The following EFCAB11 variants were observed in gnomAD, a reference collection of about 807,000 sequenced individuals.
The protein encoded by EFCAB11 is EF-hand calcium-binding domain-containing protein 11.
Under a neutral mutation model 23.0 loss-of-function variants are expected in EFCAB11, and 14 were observed. The ratio of observed to expected loss-of-function variants is 0.61; its 90% confidence interval spans 0.40 to 0.95. The LOEUF is 0.95. Ranked by LOEUF, EFCAB11 falls within the 40% of genes least tolerant of loss-of-function variation. The pLI is 0.00. For missense variants in EFCAB11, 198 were observed against 195.8 expected (o/e 1.01, Z -0.07); for synonymous variants, 65 against 66.6 (o/e 0.98, Z 0.11).
At chr14:89,949,467 C>T (rs1891089061) in intron 3 of EFCAB11, among the ~76,000 whole-genome samples, 1 of 152,138 alleles carries the variant, frequency 6.6e-6, no homozygotes, top group Admixed American at 6.6e-5. Flanking sequence ...TCAGTTCAAG[C>T]AATTCTCCTG....
chr14:89,813,211 T>C (rs1372403535), intron 5 of EFCAB11, among the ~76,000 whole-genome samples: 1 of 152,082 alleles, frequency 6.6e-6, no homozygotes, highest in East Asian at 1.9e-4. Flanking sequence ...GCATATACAG[T>C]GAGGGGAGCA....
chr14:89,797,397 C>A (rs1885611791), intron 5 of EFCAB11, 73 bp from the exon 6 acceptor site: 1 of 1,378,898 alleles, frequency 7.3e-7, no homozygotes, highest in South Asian at 1.2e-5. Context: ...ACATTAGAAT[C>A]TTTATTTATT....
intron 3 of EFCAB11, among the ~76,000 whole-genome samples, chr14:89,939,499 G>A (rs1270873816): frequency 6.6e-6 from 1 of 152,140 alleles, no homozygotes; most frequent in East Asian, 1.9e-4. Context: ...AGCAACAGGA[G>A]CAGGAGGCGG....
intron 5 of EFCAB11, among the ~76,000 whole-genome samples, chr14:89,927,167 GTC>G (rs1890219595): frequency 6.6e-6 from 1 of 152,122 alleles, no homozygotes; most frequent in South Asian, 2.1e-4. Context: ...CTATGTCCAA[GTC>G]TCTTTCTTTG....
rs115522894 is a variant in EFCAB11, at chr14:89,899,471, C to T, written c.410+32070G>A. ...GTCCCAGGCTTTTTTCTTTTTTTCA[C>T]GTTCTCTCTAAAACCTCTGGGAAAA... On this transcript the variant is annotated intron_variant, in intron 5 of 5. Transcript: ENST00000316738. Among the ~76,000 whole-genome samples the T allele has an allele frequency of 5.3e-3, 799 of 152,068 alleles. 7 individuals are homozygous for T. Among genetic ancestry groups the T allele is most frequent in the African/African-American group, 0.018 (759 of 41,502 alleles).
chr14:89,849,120 G>A (rs571991997), intron 5 of EFCAB11, among the ~76,000 whole-genome samples: 10 of 152,120 alleles, frequency 6.6e-5, no homozygotes, highest in East Asian at 1.9e-4. Context: ...TCTTGTGAAC[G>A]TCCACTCCCA....
intron 5 of EFCAB11, among the ~76,000 whole-genome samples, chr14:89,804,710 C>G (rs2183527): frequency 0.015 from 2,356 of 152,300 alleles, 59 homozygotes; most frequent in African/African-American, 0.053. Context: ...AGAGATCTCA[C>G]TACTTCAAAG....
At chr14:89,930,355 G>A (rs537101135) in intron 5 of EFCAB11, among the ~76,000 whole-genome samples, 1 of 152,296 alleles carries the variant, frequency 6.6e-6, no homozygotes, top group African/African-American at 2.4e-5. Flanking sequence ...ACATCTGCCA[G>A]ATGTCCCCCA....
chr14:89,912,129 A>T (rs987730968), intron 5 of EFCAB11, among the ~76,000 whole-genome samples: 3 of 152,238 alleles, frequency 2.0e-5, no homozygotes, highest in Non-Finnish European at 2.9e-5. Context: ...ATCAACAAGC[A>T]TTTATTCATT....
chr14:89,883,601 T>C (rs1462610869), intron 5 of EFCAB11, among the ~76,000 whole-genome samples: 2 of 152,196 alleles, frequency 1.3e-5, no homozygotes, highest in South Asian at 2.1e-4. Flanking sequence ...AAAAAGTCTG[T>C]ATATGTTCAG....
At chr14:89,844,700 C>G (rs552755300) in intron 5 of EFCAB11, among the ~76,000 whole-genome samples, 2 of 152,368 alleles carry the variant, frequency 1.3e-5, no homozygotes, top group East Asian at 3.9e-4. Flanking sequence ...ATCCCCACAC[C>G]CGATACCTGG....
chr14:89,904,908 C>T (rs1022850489), intron 5 of EFCAB11, among the ~76,000 whole-genome samples: 1 of 152,138 alleles, frequency 6.6e-6, no homozygotes, highest in African/African-American at 2.4e-5. Context: ...AAAATTTTCT[C>T]CCAGATGGGA....
intron 5 of EFCAB11, among the ~76,000 whole-genome samples, chr14:89,851,951 G>A (rs1887612749): frequency 6.6e-6 from 1 of 152,192 alleles, no homozygotes; most frequent in South Asian, 2.1e-4. Context: ...TTTGCCAAAG[G>A]ATACCATCGA....
intron 5 of EFCAB11, among the ~76,000 whole-genome samples, chr14:89,894,546 T>A (rs776827183): frequency 2.0e-5 from 3 of 151,628 alleles, no homozygotes; most frequent in Non-Finnish European, 4.4e-5. Flanking sequence ...AATTCTTTAA[T>A]CTGAGAAAGG....
intron 5 of EFCAB11, among the ~76,000 whole-genome samples, chr14:89,818,431 G>A (rs889681701): frequency 1.4e-4 from 21 of 151,884 alleles, no homozygotes; most frequent in African/African-American, 4.4e-4. Context: ...GAAGCAAGAG[G>A]GAAAGAGGAC....
intron 3 of EFCAB11, among the ~76,000 whole-genome samples, chr14:89,947,192 A>C (rs753565492): frequency 3.5e-4 from 53 of 152,148 alleles, no homozygotes; most frequent in Non-Finnish European, 6.6e-4. Context: ...AGAGTAAGCT[A>C]TTCTCTGTAC....
At chr14:89,930,178 G>C (rs541372993) in intron 5 of EFCAB11, among the ~76,000 whole-genome samples, 11 of 152,180 alleles carry the variant, frequency 7.2e-5, no homozygotes, top group Non-Finnish European at 1.6e-4. Flanking sequence ...TTCTTCAATA[G>C]CTTGCTCAGT....
chr14:89,923,783 G>A (rs1402117889), intron 5 of EFCAB11: 15 of 985,282 alleles, frequency 1.5e-5, no homozygotes, highest in Non-Finnish European at 1.8e-5. Context: ...ATAATGACTG[G>A]AAATTTTCTC....
At chr14:89,948,750 G>C (rs1596472065) in intron 3 of EFCAB11, among the ~76,000 whole-genome samples, 2 of 152,264 alleles carry the variant, frequency 1.3e-5, no homozygotes, top group African/African-American at 4.8e-5. Context: ...GTCAAACACT[G>C]CATGTTCTCA....
Sources: allele counts gnomAD v4.1 joint callset (sites outside exome capture counted in the v4.1 genomes callset), GRCh38; gene constraint gnomAD v4.1.1; transcripts MANE v1.5; gene names NCBI Gene and HGNC (gene_info 2026-07-23, HGNC 2026-07-21).